The following GAS7 variants were observed in gnomAD, a reference collection of about 807,000 sequenced individuals.
The protein encoded by GAS7 is growth arrest-specific protein 7.
GAS7 carries 28 observed loss-of-function variants against 71.1 expected under a neutral mutation model. The observed-to-expected ratio is 0.39, with a 90% CI of 0.29 to 0.54. The LOEUF (loss-of-function observed/expected upper bound fraction) is 0.54. GAS7 is among the 20% of genes least tolerant of loss of function. The pLI is 0.62. For missense variants in GAS7, 436 were observed against 627.8 expected, an observed-to-expected ratio of 0.69 and a Z score of 3.27; for synonymous variants, 258 against 245.8, an observed-to-expected ratio of 1.05 and a Z score of -0.46.
intron 1 of GAS7, among the ~76,000 whole-genome samples, chr17:10,185,016 T>C (rs1446396776): frequency 6.7e-6 from 1 of 149,516 alleles, no homozygotes; most frequent in Non-Finnish European, 1.5e-5. Context: ...AACCTCCACC[T>C]CCCAGGTTCA....
intron 1 of GAS7, among the ~76,000 whole-genome samples, chr17:10,146,651 C>T (rs1009774240): frequency 6.6e-6 from 1 of 152,118 alleles, no homozygotes; most frequent in Non-Finnish European, 1.5e-5. Context: ...CTGACCACCT[C>T]AGTATGAAAC....
At chr17:10,098,466 G>A (rs1458886259) in intron 1 of GAS7, among the ~76,000 whole-genome samples, 1 of 152,256 alleles carries the variant, frequency 6.6e-6, no homozygotes, top group Non-Finnish European at 1.5e-5. Context: ...AGGTGATGAG[G>A]TGGTTCAGGC....
intron 6 of GAS7, among the ~76,000 whole-genome samples, chr17:9,943,719 A>G (rs2068690355): frequency 6.6e-6 from 1 of 152,196 alleles, no homozygotes; most frequent in Non-Finnish European, 1.5e-5. Flanking sequence ...CTAACCACAC[A>G]TTCATACAAG....
At chr17:9,953,440 C>T (rs1191299045) in intron 5 of GAS7, among the ~76,000 whole-genome samples, 1 of 152,202 alleles carries the variant, frequency 6.6e-6, no homozygotes. Context: ...TTCTCCAAAT[C>T]CTCACTCCTG....
chr17:10,024,847 T>G (rs2072406599), intron 1 of GAS7, among the ~76,000 whole-genome samples: 1 of 152,156 alleles, frequency 6.6e-6, no homozygotes, highest in East Asian at 1.9e-4. Context: ...CTACACTACT[T>G]CAGAACCCTA....
intron 1 of GAS7, among the ~76,000 whole-genome samples, chr17:10,129,901 T>C (rs531955124): frequency 1.6e-3 from 245 of 152,166 alleles, no homozygotes; most frequent in African/African-American, 4.6e-3. Context: ...AGGCAGGGCA[T>C]GGTGGCTCAC....
intron 11 of GAS7, among the ~76,000 whole-genome samples, chr17:9,923,358 G>GA (rs1323200212): frequency 7.2e-6 from 1 of 139,156 alleles, no homozygotes; most frequent in African/African-American, 2.8e-5. Flanking sequence ...AAAACAGCAA[G>GA]AAAAAATAGA....
chr17:10,187,191 C>T (rs933509275), intron 1 of GAS7, among the ~76,000 whole-genome samples: 19 of 152,298 alleles, frequency 1.2e-4, no homozygotes, highest in African/African-American at 4.6e-4. Flanking sequence ...CTTTAAGAAC[C>T]ATGTGCTGTT....
In GAS7 at chr17:9,974,162, C is replaced by T. The variant is rs138997036; in HGVS notation, c.386-4400G>A. Among the ~76,000 whole-genome samples, 229 of 152,338 alleles carry T rather than the reference C, an allele frequency of 1.5e-3. 3 individuals are homozygous for T. The East Asian group carries it at 0.038, about 26-fold the overall frequency. On this transcript the variant is annotated intron_variant, in intron 3 of 13. Transcript: ENST00000432992. The surrounding 1 kb of genome is among the most constrained non-coding windows in gnomAD (Gnocchi z 4.0). ...TGGCTAATTACTGCTCATGTCAAAA[C>T]AATTACGAGGAAAGAAAACACAGTT... is the stretch of plus-strand genomic sequence containing the variant.
chr17:9,983,736 G>A (rs1363554967), intron 2 of GAS7, among the ~76,000 whole-genome samples: 1 of 146,984 alleles, frequency 6.8e-6, no homozygotes, highest in African/African-American at 2.5e-5. Context: ...GCAGTGAGCT[G>A]AGACCATGCC....
At chr17:10,003,695 A>G (rs1343548505) in intron 2 of GAS7, among the ~76,000 whole-genome samples, 1 of 152,188 alleles carries the variant, frequency 6.6e-6, no homozygotes, top group Non-Finnish European at 1.5e-5. Flanking sequence ...GGTGCCTGCT[A>G]CCTGCACAGC....
intron 5 of GAS7, among the ~76,000 whole-genome samples, chr17:9,950,570 C>T (rs1051286187): frequency 1.3e-5 from 2 of 152,092 alleles, no homozygotes; most frequent in Non-Finnish European, 2.9e-5. Context: ...TTAAAAGGCA[C>T]CTTGTGGCAG....
chr17:9,919,230 C>T lies in GAS7; in HGVS notation c.1218+396G>A, dbSNP rs1451423231. Among the ~76,000 whole-genome samples, 1 of 152,162 alleles carries T rather than the reference C, an allele frequency of 6.6e-6. No individual in the cohort carries two copies. Among genetic ancestry groups the T allele is most frequent in the Non-Finnish European group, 1.5e-5 (1 of 68,020 alleles). On this transcript the variant is annotated intron_variant, in intron 12 of 13. Coordinates refer to ENST00000432992, the MANE Select transcript of GAS7 (RefSeq NM_201433.2). The surrounding 1 kb of genome is among the most constrained non-coding windows in gnomAD (Gnocchi z 5.0). ...CATCCTCACCCATCCATCCACTTTG[C>T]AAGGATCTCCTACCAAGGACCTGCA...
Position 9,915,039 on chromosome 17 carries a change from A to G in GAS7, c.*2189T>C, listed in dbSNP as rs2067545368. On this transcript the variant is annotated 3_prime_UTR_variant, in exon 14 of 14. Transcript: ENST00000432992. The stretch of plus-strand genomic sequence containing the variant: ...TGGCTTTAACCTGCTTGATGAATGA[A>G]TAACAGAGGGAAGAAAGAAAGGAAG... 1 of 231,572 alleles carries G rather than the reference A, an allele frequency of 4.3e-6. No homozygotes were observed. The highest frequency in any genetic ancestry group is 8.6e-6 in the Non-Finnish European group (1 of 116,958). The allele number at this position is 231,572 out of a possible 1,614,324, so 14.3% of individuals were successfully genotyped here. A position where few individuals can be genotyped will look rare whatever the true frequency, so the allele number is the denominator to read the frequency against.
chr17:10,151,083 G>A (rs187430910), intron 1 of GAS7, among the ~76,000 whole-genome samples: 1 of 152,342 alleles, frequency 6.6e-6, no homozygotes, highest in East Asian at 1.9e-4. Flanking sequence ...CAAAAAAGTA[G>A]AAGCCTGTGA....
intron 1 of GAS7, among the ~76,000 whole-genome samples, chr17:10,028,034 C>T (rs1365081991): frequency 1.3e-5 from 2 of 152,160 alleles, no homozygotes; most frequent in Non-Finnish European, 2.9e-5. Flanking sequence ...CAGGCATGCA[C>T]CACCACACCC....
Position 9,913,755 on chromosome 17 carries a change from G to C in GAS7, c.*3473C>G, listed in dbSNP as rs1033925679. 3.0e-5 allele frequency: 7 copies of C among 231,672 alleles called. No individual in the cohort carries two copies. The highest frequency in any genetic ancestry group is 1.5e-4 in the African/African-American group (7 of 45,234). The allele number at this position is 231,672 out of a possible 1,614,324, so 14.4% of individuals were successfully genotyped here. A position where few individuals can be genotyped will look rare whatever the true frequency, so the allele number is the denominator to read the frequency against. On this transcript the variant is annotated 3_prime_UTR_variant, in exon 14 of 14. Transcript: ENST00000432992. ...GTGTTGCCACTGACTGAAAGCACTA[G>C]AAAGAATAGAGGGTAACAAGTGGCT...
rs567848485 is a variant in GAS7, at chr17:10,173,565, A to G, written c.183+24643T>C. 1.0e-3 allele frequency among the ~76,000 whole-genome samples: 153 copies of G among 152,026 alleles called. 1 individual carries two copies. In the Middle Eastern group the frequency reaches 0.01, roughly 10 times the overall value. On this transcript the variant is annotated intron_variant, in intron 1 of 13. Transcript: ENST00000432992. ...GGGCGGATCACAAGGTCAGGAGATCAAGACCATCCTGGCTAACACGGTGAA... is the reference window on the plus strand; with the variant it reads ...GGGCGGATCACAAGGTCAGGAGATCGAGACCATCCTGGCTAACACGGTGAA...
chr17:9,959,101 G>T lies in GAS7; in HGVS notation c.525+101C>A. On this transcript the variant is annotated intron_variant, in intron 5 of 13. Coordinates refer to ENST00000432992, the MANE Select transcript of GAS7 (RefSeq NM_201433.2). This position sits in a 1 kb window ranked among gnomAD's most constrained non-coding sequence, Gnocchi z 5.0. ...TTGGAACTTCCCCGTTTCCAGGTTG[G>T]GCATCACTTCTGCTTGGCGGTCCAC... 1 of 1,402,702 alleles carries T rather than the reference G, an allele frequency of 7.1e-7. No individual in the cohort carries two copies. The highest frequency in any genetic ancestry group is 2.4e-5 in the East Asian group (1 of 41,032). The allele number at this position is 1,402,702 out of a possible 1,614,324, so 86.9% of individuals were successfully genotyped here.
Sources: allele counts gnomAD v4.1 joint callset (sites outside exome capture counted in the v4.1 genomes callset), GRCh38; gene constraint gnomAD v4.1.1; non-coding constraint Gnocchi (gnomAD v3.1); transcripts MANE v1.5; gene names NCBI Gene and HGNC (gene_info 2026-07-23, HGNC 2026-07-21).